The following PCNX4 variants were observed in gnomAD, a reference collection of about 807,000 sequenced individuals.
The protein encoded by PCNX4 is pecanex-like protein 4.
PCNX4 carries 103 observed loss-of-function variants against 107.2 expected under a neutral mutation model. The ratio of observed to expected loss-of-function variants is 0.96; its 90% CI spans 0.82 to 1.13. PCNX4 has a LOEUF of 1.13. Among genes scored for constraint, PCNX4 ranks in the 50% most tolerant of loss-of-function variants. PCNX4 has a pLI of 0.00. For missense variants in PCNX4, 1,528 were observed against 1,379.4 expected (o/e 1.11, Z -1.71); for synonymous variants, 541 against 481.7 (o/e 1.12, Z -1.61).
rs989014899 is a variant in PCNX4 at position 60,139,946 on chromosome 14, G to A, written c.*5725G>A. On this transcript the variant is annotated 3_prime_UTR_variant, in exon 11 of 11. Coordinates refer to ENST00000406854, the MANE Select transcript of PCNX4 (RefSeq NM_001330177.2). Reference sequence around the variant, plus strand: ...TAGAAGGAAATTTATAGTCTTAAACGCACATTAAAAAAAAAAGATTGAAAA... The same window carrying A: ...TAGAAGGAAATTTATAGTCTTAAACACACATTAAAAAAAAAAGATTGAAAA... 1.5e-5 allele frequency: 2 copies of A among 137,770 alleles called. No homozygotes were observed. The highest frequency in any genetic ancestry group is 3.0e-5 in the Non-Finnish European group (2 of 66,036). The allele number at this position is 137,770 out of a possible 1,614,324, so 8.5% of individuals were successfully genotyped here.
chr14:60,092,111 G>C lies in PCNX4; in HGVS notation c.-362G>C, dbSNP rs1012806774. 1 of 152,322 alleles carries C rather than the reference G, an allele frequency of 6.6e-6. No homozygotes were observed. Among genetic ancestry groups the C allele is most frequent in the Non-Finnish European group, 1.5e-5 (1 of 68,082 alleles). The allele number at this position is 152,322 out of a possible 1,614,324, so 9.4% of individuals were successfully genotyped here. A position where few individuals can be genotyped will look rare whatever the true frequency, so the allele number is the denominator to read the frequency against. On this transcript the variant is annotated 5_prime_UTR_variant, in exon 1 of 11. Transcript: ENST00000406854. ...TTCCTCTAGGCCAAGCCTGCTTTAC[G>C]GCAGGGCCCGCCTCGGGAGCGAGCA...
Position 60,139,885 on chromosome 14 carries a change from A to C in PCNX4, c.*5664A>C, listed in dbSNP as rs1019425987. ...TTGAACTGAGTAGTGAAAGTGCTAC[A>C]TGTCAAAACTTATGGTAGACGCCTA... On this transcript the variant is annotated 3_prime_UTR_variant, in exon 11 of 11. Coordinates refer to ENST00000406854, the MANE Select transcript of PCNX4 (RefSeq NM_001330177.2). 1 of 152,106 alleles carries C rather than the reference A, an allele frequency of 6.6e-6. No individual in the cohort carries two copies. The highest frequency in any genetic ancestry group is 1.5e-5 in the Non-Finnish European group (1 of 67,970). The allele number at this position is 152,106 out of a possible 1,614,324, so 9.4% of individuals were successfully genotyped here.
intron 1 of PCNX4, among the ~76,000 whole-genome samples, chr14:60,098,958 GAA>G (rs1255935858): frequency 6.7e-6 from 1 of 149,086 alleles, no homozygotes; most frequent in East Asian, 2.0e-4. Context: ...AAAAAAAAAA[GAA>G]AGAAAAGACT....
chr14:60,114,689 T>C lies in PCNX4; in HGVS notation c.690-11T>C. The C allele has an allele frequency of 6.3e-7, 1 of 1,596,882 alleles. No individual in the cohort carries two copies. The highest frequency in any genetic ancestry group is 8.5e-7 in the Non-Finnish European group (1 of 1,170,512). The stretch of plus-strand genomic sequence containing the variant: ...TTTCGTGTGATTTAAATGTTCTTTT[T>C]TTTTATATAGGTTTGTGGTAAATAT... On this transcript the variant is annotated splice_polypyrimidine_tract_variant and intron_variant, in intron 2 of 10. Transcript: ENST00000406854.
chr14:60,121,102 A>G, intron 7 of PCNX4, 94 bp from the exon 8 acceptor site: 1 of 1,435,308 alleles, frequency 7.0e-7, no homozygotes, highest in South Asian at 1.4e-5. Flanking sequence ...TCAGTTCTAG[A>G]TGTCTTTTTA....
chr14:60,110,605 C>T (rs985207252), intron 2 of PCNX4: 2 of 167,014 alleles, frequency 1.2e-5, no homozygotes, highest in African/African-American at 4.8e-5. Flanking sequence ...CCTGCCCTAC[C>T]CTTAGATTTT....
At chr14:60,099,949 C>T (rs943883874) in intron 1 of PCNX4, among the ~76,000 whole-genome samples, 6 of 152,128 alleles carry the variant, frequency 3.9e-5, no homozygotes, top group East Asian at 1.9e-4. Flanking sequence ...CCTTTCGTCC[C>T]GGCTACTTGG....
At chr14:60,096,300 A>G (rs1466325195) in intron 1 of PCNX4, among the ~76,000 whole-genome samples, 1 of 152,182 alleles carries the variant, frequency 6.6e-6, no homozygotes, top group East Asian at 1.9e-4. Context: ...AGCTTTCCTC[A>G]TAAGCATGAC....
chr14:60,102,068 G>A (rs1421549621), intron 1 of PCNX4, among the ~76,000 whole-genome samples: 1 of 152,158 alleles, frequency 6.6e-6, no homozygotes, highest in African/African-American at 2.4e-5. Flanking sequence ...CAGAGAATGG[G>A]GGGAGGGAAA....
Position 60,134,310 on chromosome 14 carries a change from T to C in PCNX4, c.*89T>C, listed in dbSNP as rs1313537164. 1.4e-6 allele frequency: 2 copies of C among 1,467,710 alleles called. No homozygotes were observed. The highest frequency in any genetic ancestry group is 1.9e-6 in the Non-Finnish European group (2 of 1,073,910). 90.9% of individuals were successfully genotyped at this position (1,467,710 alleles called of 1,614,324 possible). A position where few individuals can be genotyped will look rare whatever the true frequency, so the allele number is the denominator to read the frequency against. ...CTGTGATTCTTGTAACTTGAGGACTTCTCCACACCCCCATTCAGATGCCTG... is the reference window on the plus strand; with the variant it reads ...CTGTGATTCTTGTAACTTGAGGACTCCTCCACACCCCCATTCAGATGCCTG... On this transcript the variant is annotated 3_prime_UTR_variant, in exon 11 of 11. Coordinates refer to ENST00000406854, the MANE Select transcript of PCNX4 (RefSeq NM_001330177.2).
chr14:60,112,965 C>T (rs1895767303), intron 2 of PCNX4, among the ~76,000 whole-genome samples: 1 of 152,176 alleles, frequency 6.6e-6, no homozygotes, highest in South Asian at 2.1e-4. Context: ...AGGCGGATAA[C>T]GAGGTCAAGA....
At chr14:60,122,610 TA>T (rs1176365410) in intron 8 of PCNX4, among the ~76,000 whole-genome samples, 1 of 152,118 alleles carries the variant, frequency 6.6e-6, no homozygotes, top group African/African-American at 2.4e-5. Flanking sequence ...ACTTTTTCCT[TA>T]TTTTTATAGT....
Position 60,092,194 on chromosome 14 carries a change from T to C in PCNX4, c.-279T>C, listed in dbSNP as rs1895310377. ...ACGAGGTCCCCGAACGCGCACGCGC[T>C]CCGTTCAGCTCCGGGTGGCGGCCGC... On this transcript the variant is annotated 5_prime_UTR_variant, in exon 1 of 11. Transcript: ENST00000406854. The C allele has an allele frequency of 6.6e-6, 1 of 152,244 alleles. No individual in the cohort carries two copies. The highest frequency in any genetic ancestry group is 1.5e-5 in the Non-Finnish European group (1 of 68,056). 9.4% of individuals were successfully genotyped at this position (152,244 alleles called of 1,614,324 possible).
At position 60,092,315 on chromosome 14, in the gene PCNX4, C is replaced by G. The variant is rs2297297; in HGVS notation, c.-158C>G. 6.6e-6 allele frequency: 1 copy of G among 152,414 alleles called. No homozygotes were observed. The highest frequency in any genetic ancestry group is 2.1e-4 in the South Asian group (1 of 4,834). 9.4% of individuals were successfully genotyped at this position (152,414 alleles called of 1,614,324 possible). On this transcript the variant is annotated 5_prime_UTR_variant, in exon 1 of 11. Coordinates refer to ENST00000406854, the MANE Select transcript of PCNX4 (RefSeq NM_001330177.2). ...GCCGCAGCTTTTCTGCCTCCGCATTCGGGCACTAACCAACCTCCCGGCGGG... is the reference window on the plus strand; with the variant it reads ...GCCGCAGCTTTTCTGCCTCCGCATTGGGGCACTAACCAACCTCCCGGCGGG...
At chr14:60,112,068 C>T (rs906975865) in intron 2 of PCNX4, among the ~76,000 whole-genome samples, 7 of 152,050 alleles carry the variant, frequency 4.6e-5, no homozygotes, top group Non-Finnish European at 1.0e-4. Context: ...AGAGGCGAAC[C>T]CCGCAGTGTA....
chr14:60,128,276 G>T (rs527558696), intron 10 of PCNX4, among the ~76,000 whole-genome samples: 2 of 152,110 alleles, frequency 1.3e-5, no homozygotes, highest in African/African-American at 4.8e-5. Context: ...AAAGAGATCC[G>T]CAGGCAAATA....
At chr14:60,103,981 G>A (rs988102555) in intron 1 of PCNX4, among the ~76,000 whole-genome samples, 3 of 152,262 alleles carry the variant, frequency 2.0e-5, no homozygotes, top group Admixed American at 2.0e-4. Flanking sequence ...AACAGTTTAT[G>A]GGCTTACTGT....
Position 60,124,359 on chromosome 14 carries a change from G to T in PCNX4, c.2188G>T (p.Val730Phe), listed in dbSNP as rs764152147. ...HFGNVLTPCT[V>F]LPVKLYSDAR... ...TGGAAATGTCTTGACACCCTGTACT[G>T]TTTTGCCTGTGAAATTGTATTCTGA... is the stretch of plus-strand genomic sequence containing the variant. Residue 730 changes from valine (V) to phenylalanine (F), a missense_variant, in exon 9 of 11, where the codon GTT becomes TTT. Val to Phe is a conservative substitution (Grantham distance 50). Transcript: ENST00000406854. The T allele has an allele frequency of 6.2e-7, 1 of 1,613,266 alleles. No individual in the cohort carries two copies. Among genetic ancestry groups the T allele is most frequent in the Non-Finnish European group, 8.5e-7 (1 of 1,179,558 alleles).
chr14:60,100,166 G>T (rs190045316), intron 1 of PCNX4, among the ~76,000 whole-genome samples: 3 of 151,890 alleles, frequency 2.0e-5, no homozygotes, highest in South Asian at 4.2e-4. Flanking sequence ...TTCCAAATTC[G>T]TAAGAAAAAT....
Sources: allele counts gnomAD v4.1 joint callset (sites outside exome capture counted in the v4.1 genomes callset), GRCh38; gene constraint gnomAD v4.1.1; transcripts MANE v1.5; gene names NCBI Gene and HGNC (gene_info 2026-07-23, HGNC 2026-07-21).